Variants in ABHD12 observed in about 807,000 individuals in gnomAD.
The protein encoded by ABHD12 is abhydrolase domain containing 12, lysophospholipase.
Under a neutral mutation model 58.3 loss-of-function variants are expected in ABHD12, and 43 were observed. The observed-to-expected ratio is 0.74, with a 90% CI of 0.58 to 0.95. The LOEUF (loss-of-function observed/expected upper bound fraction) is 0.95. Ranked by LOEUF, ABHD12 falls within the 40% of genes least tolerant of loss-of-function variation. ABHD12 has a pLI of 0.00. For missense variants in ABHD12, 539 were observed against 537.2 expected, an observed-to-expected ratio of 1.00 and a Z score of -0.03; for synonymous variants, 219 against 211.2, an observed-to-expected ratio of 1.04 and a Z score of -0.32.
chr20:25,380,218 C>T (rs2090006284), intron 1 of ABHD12, among the ~76,000 whole-genome samples: 2 of 152,040 alleles, frequency 1.3e-5, no homozygotes, highest in Admixed American at 6.6e-5. Flanking sequence ...CATAACTCCA[C>T]TTAACTTCTG....
chr20:25,390,237 C>T (rs1008465939), intron 1 of ABHD12: 7 of 330,596 alleles, frequency 2.1e-5, no homozygotes, highest in African/African-American at 1.5e-4. Flanking sequence ...GGTCGGGGTG[C>T]AAGGCTAGGC....
chr20:25,306,052 A>C (rs972475816), intron 10 of ABHD12, among the ~76,000 whole-genome samples: 5 of 152,028 alleles, frequency 3.3e-5, no homozygotes, highest in African/African-American at 1.2e-4. Context: ...CTGTAATCCC[A>C]GGTACTCGGG....
At chr20:25,385,408 G>A (rs1466579703) in intron 1 of ABHD12, among the ~76,000 whole-genome samples, 1 of 150,134 alleles carries the variant, frequency 6.7e-6, no homozygotes. Context: ...GAAAACTAGG[G>A]AAATGGCCAT....
chr20:25,318,592 C>T (rs143560659), intron 4 of ABHD12, among the ~76,000 whole-genome samples: 16 of 151,216 alleles, frequency 1.1e-4, no homozygotes, highest in African/African-American at 2.7e-4. Flanking sequence ...GCAGTCTCTG[C>T]AGGATTGGGA....
chr20:25,356,863 A>G (rs2089675542), intron 1 of ABHD12, among the ~76,000 whole-genome samples: 1 of 152,192 alleles, frequency 6.6e-6, no homozygotes, highest in Non-Finnish European at 1.5e-5. Context: ...ATGAGGCCGC[A>G]CAGTGCACGC....
At chr20:25,327,934 C>T (rs753138938) in intron 2 of ABHD12, among the ~76,000 whole-genome samples, 1 of 152,074 alleles carries the variant, frequency 6.6e-6, no homozygotes, top group Non-Finnish European at 1.5e-5. Context: ...ACCCAAGAAC[C>T]GACTCAGCGC....
chr20:25,380,820 A>G lies in ABHD12; in HGVS notation c.191+9693T>C, dbSNP rs1353290334. Among the ~76,000 whole-genome samples the G allele has an allele frequency of 4.6e-5, 7 of 151,812 alleles. No homozygotes were observed. The South Asian group carries it at 1.3e-3, about 27-fold the overall frequency. On this transcript the variant is annotated intron_variant, in intron 1 of 12. Transcript: ENST00000339157. ...CAGCCATGGTCAGGTACAGGCCCTA[A>G]CCTCCCCCTTGAACTCTATCCCCTA...
intron 6 of ABHD12, chr20:25,310,526 A>T (rs1194113985): frequency 6.6e-6 from 1 of 152,406 alleles, no homozygotes; most frequent in Non-Finnish European, 1.5e-5. Flanking sequence ...TGTGCAGTGT[A>T]AGCAAACAGT....
intron 12 of ABHD12, among the ~76,000 whole-genome samples, chr20:25,301,617 C>T (rs1342768572): frequency 6.6e-6 from 1 of 152,212 alleles, no homozygotes. Flanking sequence ...GGCAGGTAGG[C>T]GAGTCTGGGC....
chr20:25,356,248 G>A (rs1051708445), intron 1 of ABHD12, among the ~76,000 whole-genome samples: 2 of 152,232 alleles, frequency 1.3e-5, no homozygotes, highest in Non-Finnish European at 2.9e-5. Flanking sequence ...TTGCACCTGA[G>A]ACTGCGGAGG....
At chr20:25,313,998 G>A (rs138097894) in intron 6 of ABHD12, among the ~76,000 whole-genome samples, 3 of 151,008 alleles carry the variant, frequency 2.0e-5, no homozygotes, top group African/African-American at 7.3e-5. Context: ...TTTTGACATG[G>A]AGTCTTGCTT....
intron 1 of ABHD12, among the ~76,000 whole-genome samples, chr20:25,355,382 A>T (rs1264181278): frequency 6.6e-6 from 1 of 152,190 alleles, no homozygotes; most frequent in Admixed American, 6.5e-5. Context: ...GCTTAAGAAG[A>T]AATGCTGTGT....
In ABHD12 at chr20:25,306,842, T is replaced by C. The variant is rs1368468123; in HGVS notation, c.941A>G (p.Asn314Ser). ...PITSSGIKFANDENVKHISCP... is the reference protein window; with the variant it reads ...PITSSGIKFASDENVKHISCP... The stretch of plus-strand genomic sequence containing the variant: ...GTCCCATAATACTCACTTTTCATCA[T>C]TTGCAAATTTAATTCCACTACTTGT... Residue 314 changes from asparagine to serine, a missense_variant, in exon 10 of 13, where the codon AAT becomes AGT. Physicochemically the swap from Asn to Ser is conservative, Grantham distance 46. Transcript: ENST00000339157. 6.2e-7 allele frequency: 1 copy of C among 1,609,550 alleles called. No individual in the cohort carries two copies.
chr20:25,315,343 G>A (rs1447586104), intron 5 of ABHD12, among the ~76,000 whole-genome samples: 1 of 152,198 alleles, frequency 6.6e-6, no homozygotes, highest in Non-Finnish European at 1.5e-5. Flanking sequence ...ACCCCCAGGA[G>A]GAGGGCTACA....
intron 5 of ABHD12, 146 bp from the exon 6 acceptor site, chr20:25,315,116 C>CA: frequency 1.2e-6 from 1 of 866,798 alleles, no homozygotes; most frequent in South Asian, 1.4e-5. Flanking sequence ...TGCTGCCTGA[C>CA]TCCTGGCTGG....
intron 1 of ABHD12, 88 bp downstream of exon 1, chr20:25,390,425 T>TGGGAGGTACCGCGGCCCCCTGC: frequency 8.1e-7 from 1 of 1,237,644 alleles, no homozygotes; most frequent in Non-Finnish European, 1.0e-6. Context: ...TGGGAGGGGC[T>TGGGAGGTACCGCGGCCCCCTGC]GGGAGGTACC....
At chr20:25,332,068 G>C (rs945554341) in intron 2 of ABHD12, among the ~76,000 whole-genome samples, 32 of 152,024 alleles carry the variant, frequency 2.1e-4, no homozygotes, top group Non-Finnish European at 4.3e-4. Flanking sequence ...CCCATCTCAC[G>C]TGCAGAGACA....
At chr20:25,378,369 G>A (rs529446794) in intron 1 of ABHD12, among the ~76,000 whole-genome samples, 15 of 152,254 alleles carry the variant, frequency 9.9e-5, no homozygotes, top group African/African-American at 3.6e-4. Context: ...CAAACAGCAG[G>A]AATACAGTAG....
chr20:25,355,550 C>G (rs6050562), intron 1 of ABHD12, among the ~76,000 whole-genome samples: 86,153 of 151,636 alleles, frequency 0.57, 25,189 homozygotes, highest in African/African-American at 0.62. Flanking sequence ...AAAGTATAAA[C>G]GGTTTTTTTT....
Sources: gnomAD v4.1 joint callset for allele counts (sites outside exome capture counted in the v4.1 genomes callset) on GRCh38, gnomAD v4.1.1 for gene constraint, MANE v1.5 for transcripts, NCBI Gene and HGNC (gene_info 2026-07-23, HGNC 2026-07-21) for gene names.